HHAT: variants seen among roughly 807,000 people sequenced by gnomAD.
The protein encoded by HHAT is protein-cysteine N-palmitoyltransferase HHAT.
Under a neutral mutation model 70.8 loss-of-function variants are expected in HHAT, and 47 were observed. The observed-to-expected ratio is 0.66, with a 90% confidence interval of 0.53 to 0.85. The LOEUF is 0.85. Among genes scored for constraint, HHAT ranks in the 40% least tolerant of loss-of-function variants. HHAT has a pLI of 0.00. For synonymous variants in HHAT, 228 were observed against 247.6 expected (o/e 0.92, Z 0.74); for missense variants, 609 against 604.8 (o/e 1.01, Z -0.07).
chr1:210,420,218 T>C (rs1424981393), intron 7 of HHAT, among the ~76,000 whole-genome samples: 1 of 152,236 alleles, frequency 6.6e-6, no homozygotes, highest in Non-Finnish European at 1.5e-5. Context: ...TGTTAACACC[T>C]CGTCGTATGA....
At chr1:210,418,444 T>C (rs527561258) in intron 7 of HHAT, 119 bp downstream of exon 7, 1 of 862,630 alleles carries the variant, frequency 1.2e-6, no homozygotes, top group Admixed American at 3.2e-5. Flanking sequence ...CCCTCTTTAT[T>C]ATTATTTTTT....
intron 7 of HHAT, among the ~76,000 whole-genome samples, chr1:210,441,023 C>T (rs1392249965): frequency 2.6e-5 from 4 of 152,200 alleles, no homozygotes; most frequent in African/African-American, 9.6e-5. Flanking sequence ...AGGACTCAAA[C>T]CCCACAATAT....
intron 3 of HHAT, among the ~76,000 whole-genome samples, chr1:210,377,135 C>T (rs1460303452): frequency 3.9e-5 from 6 of 152,184 alleles, no homozygotes; most frequent in African/African-American, 1.4e-4. Flanking sequence ...TTTCCTTCCA[C>T]GTTATTGTGA....
intron 9 of HHAT, among the ~76,000 whole-genome samples, chr1:210,532,143 A>G (rs944292972): frequency 2.0e-5 from 3 of 152,222 alleles, no homozygotes; most frequent in African/African-American, 2.4e-5. Context: ...TGACATTTAT[A>G]TGTGTTTATT....
chr1:210,650,794 G>T (rs1674979970), intron 11 of HHAT, among the ~76,000 whole-genome samples: 1 of 152,104 alleles, frequency 6.6e-6, no homozygotes, highest in Non-Finnish European at 1.5e-5. Flanking sequence ...GTGATGTTTG[G>T]GAGTGAGCTA....
intron 10 of HHAT, among the ~76,000 whole-genome samples, chr1:210,594,422 A>C (rs1662453613): frequency 6.6e-6 from 1 of 152,214 alleles, no homozygotes; most frequent in Non-Finnish European, 1.5e-5. Flanking sequence ...ATTAATAAGC[A>C]AAGAGAAAAC....
chr1:210,532,832 A>C (rs1463735618), intron 9 of HHAT, among the ~76,000 whole-genome samples: 1 of 152,238 alleles, frequency 6.6e-6, no homozygotes, highest in Non-Finnish European at 1.5e-5. Context: ...CCAGAGCACA[A>C]ACCTTTGATA....
At chr1:210,665,698 A>C (rs146581554) in intron 11 of HHAT, among the ~76,000 whole-genome samples, 23 of 152,316 alleles carry the variant, frequency 1.5e-4, no homozygotes, top group African/African-American at 5.3e-4. Flanking sequence ...CATCATTCAG[A>C]CTGTTTTCCA....
At chr1:210,343,217 C>G (rs1461134734) in intron 1 of HHAT, among the ~76,000 whole-genome samples, 5 of 152,064 alleles carry the variant, frequency 3.3e-5, no homozygotes, top group Admixed American at 1.3e-4. Flanking sequence ...AGCAGCTGAC[C>G]AGTCATTACC....
At chr1:210,606,949 A>G (rs986793040) in intron 10 of HHAT, among the ~76,000 whole-genome samples, 1 of 152,192 alleles carries the variant, frequency 6.6e-6, no homozygotes, top group South Asian at 2.1e-4. Context: ...TCTTCGGTAT[A>G]TATCTAAAAT....
intron 10 of HHAT, among the ~76,000 whole-genome samples, chr1:210,591,063 G>A (rs546766855): frequency 3.9e-5 from 6 of 151,994 alleles, no homozygotes; most frequent in South Asian, 2.1e-4. Context: ...CTTTCTTTGC[G>A]TTACAACCAA....
chr1:210,387,581 G>A lies in HHAT; in HGVS notation c.273G>A (p.Lys91=), dbSNP rs1438266670. The A allele has an allele frequency of 6.2e-7, 1 of 1,609,238 alleles. No homozygotes were observed. Among genetic ancestry groups the A allele is most frequent in the Non-Finnish European group, 8.5e-7 (1 of 1,175,764 alleles). ...AAATGGCCACACTGCTGGCAAGAAAGGTATGATTATATGTGTTGTTACCTT... is the reference window on the plus strand; with the variant it reads ...AAATGGCCACACTGCTGGCAAGAAAAGTATGATTATATGTGTTGTTACCTT... ...VSQMATLLAR[K]HRPWILMLYG... The change falls in exon 4 of 12, where the codon AAG becomes AAA. Residue 91 remains lysine (K), a splice_region_variant and synonymous_variant. Coordinates refer to ENST00000261458, the MANE Select transcript of HHAT (RefSeq NM_018194.6).
intron 4 of HHAT, among the ~76,000 whole-genome samples, chr1:210,399,571 C>T (rs1295036996): frequency 6.6e-6 from 1 of 152,136 alleles, no homozygotes; most frequent in East Asian, 1.9e-4. Flanking sequence ...GAGATGGAGT[C>T]ATTTGCCTCA....
intron 9 of HHAT, among the ~76,000 whole-genome samples, chr1:210,570,415 T>C (rs758912419): frequency 1.8e-4 from 28 of 151,748 alleles, no homozygotes; most frequent in Non-Finnish European, 3.2e-4. Flanking sequence ...GCTTTAAGAG[T>C]GGTGTTGGGC....
chr1:210,402,398 G>A (rs770241611), intron 5 of HHAT, among the ~76,000 whole-genome samples: 21 of 152,128 alleles, frequency 1.4e-4, no homozygotes, highest in Non-Finnish European at 2.2e-4. Context: ...TTTTGAGTCA[G>A]GCCAATCTGC....
rs1474138964 is a variant in HHAT at position 210,607,971 on chromosome 1, C to T, written c.1246-15555C>T. Among the ~76,000 whole-genome samples, 3 of 152,170 alleles carry T rather than the reference C, an allele frequency of 2.0e-5. No individual in the cohort carries two copies. The East Asian group carries it at 5.8e-4, about 29-fold the overall frequency. ...TTTAAGAAATATTCTAAAATTTGCA[C>T]TTCTTTTCACCCTCACTGATATGTT... On this transcript the variant is annotated intron_variant, in intron 10 of 11. Coordinates refer to ENST00000261458, the MANE Select transcript of HHAT (RefSeq NM_018194.6).
chr1:210,387,488 G>C lies in HHAT; in HGVS notation c.180G>C (p.Trp60Cys). The C allele has an allele frequency of 6.2e-7, 1 of 1,614,102 alleles. No homozygotes were observed. The highest frequency in any genetic ancestry group is 8.5e-7 in the Non-Finnish European group (1 of 1,179,994). Residue 60 changes from tryptophan (W) to cysteine (C), a missense_variant, in exon 4 of 12, where the codon TGG (tryptophan) becomes TGC (cysteine). Physicochemically the swap from Trp to Cys is radical, Grantham distance 215. Transcript: ENST00000261458. ...GLKKDATDFE[W>C]SFWMEWGKQW... ...TTTAGGATGCGACCGACTTTGAGTG[G>C]AGCTTCTGGATGGAATGGGGGAAGC...
At position 210,481,008 on chromosome 1, in the gene HHAT, C is replaced by T. The variant is rs567365588; in HGVS notation, c.1007+16353C>T. Among the ~76,000 whole-genome samples the T allele has an allele frequency of 1.2e-4, 19 of 152,280 alleles. 1 individual carries two copies. The highest frequency in any genetic ancestry group is 1.2e-3 in the East Asian group (6 of 5,180). ...TGAACAAAACAGGCAAAAGCACATA[C>T]GCTCACATAGCTTACTCTCCAGCTG... On this transcript the variant is annotated intron_variant, in intron 8 of 11. Coordinates refer to ENST00000261458, the MANE Select transcript of HHAT (RefSeq NM_018194.6).
At chr1:210,448,589 G>A (rs1029615765) in intron 7 of HHAT, among the ~76,000 whole-genome samples, 2 of 152,162 alleles carry the variant, frequency 1.3e-5, no homozygotes, top group African/African-American at 4.8e-5. Flanking sequence ...GATTGGAGGA[G>A]GCAGGATGGG....
Sources: allele counts gnomAD v4.1 joint callset (sites outside exome capture counted in the v4.1 genomes callset), GRCh38; gene constraint gnomAD v4.1.1; transcripts MANE v1.5; gene names NCBI Gene and HGNC (gene_info 2026-07-23, HGNC 2026-07-21).